The following LAPTM4B variants were observed in gnomAD, a reference collection of about 807,000 sequenced individuals.
The protein encoded by LAPTM4B is lysosomal-associated transmembrane protein 4B.
A neutral mutation model predicts 28.5 loss-of-function variants in LAPTM4B; 26 were observed. The observed-to-expected ratio is 0.91, with a 90% CI of 0.67 to 1.27. The LOEUF is 1.27. Ranked by LOEUF, LAPTM4B falls within the 50% of genes most tolerant of loss-of-function variation. LAPTM4B has a pLI of 0.00. For synonymous variants in LAPTM4B, 109 were observed against 106.4 expected, an observed-to-expected ratio of 1.02 and a Z score of -0.15; for missense variants, 288 against 285.8, an observed-to-expected ratio of 1.01 and a Z score of -0.06.
chr8:97,822,837 A>ATT (rs10622932), intron 5 of LAPTM4B, among the ~76,000 whole-genome samples: 72,020 of 150,846 alleles, frequency 0.48, 17,389 homozygotes, highest in East Asian at 0.57. Context: ...TCTTTTAGTT[A>ATT]TTTTTTTTAT....
chr8:97,790,315 A>ATTTT (rs762190127), intron 1 of LAPTM4B, among the ~76,000 whole-genome samples: 2 of 140,310 alleles, frequency 1.4e-5, no homozygotes, highest in Non-Finnish European at 3.1e-5. Flanking sequence ...TGGTTGTATA[A>ATTTT]TTTTTTTTTT....
chr8:97,826,119 A>G (rs751834021), intron 6 of LAPTM4B, among the ~76,000 whole-genome samples: 55 of 152,216 alleles, frequency 3.6e-4, no homozygotes, highest in Non-Finnish European at 7.3e-4. Context: ...AGACTAAAAC[A>G]GTTACAGACT....
At chr8:97,826,055 C>T (rs971602300) in intron 6 of LAPTM4B, among the ~76,000 whole-genome samples, 1 of 152,262 alleles carries the variant, frequency 6.6e-6, no homozygotes, top group Non-Finnish European at 1.5e-5. Flanking sequence ...CTCACTCTGA[C>T]CTTACCGAAA....
chr8:97,849,529 G>C (rs1817484652), intron 6 of LAPTM4B, among the ~76,000 whole-genome samples: 1 of 152,190 alleles, frequency 6.6e-6, no homozygotes, highest in Non-Finnish European at 1.5e-5. Flanking sequence ...CCCAGACTCT[G>C]TATCTTGGTT....
intron 5 of LAPTM4B, among the ~76,000 whole-genome samples, chr8:97,824,857 G>T (rs1817069760): frequency 6.6e-6 from 1 of 151,302 alleles, no homozygotes; most frequent in South Asian, 2.1e-4. Context: ...ATAGAATACG[G>T]CTCCAGTAGC....
chr8:97,795,363 A>G (rs926809982), intron 1 of LAPTM4B, among the ~76,000 whole-genome samples: 2 of 152,100 alleles, frequency 1.3e-5, no homozygotes, highest in African/African-American at 4.8e-5. Context: ...AATTGCTGGG[A>G]TTACAGGAGT....
chr8:97,818,504 C>T (rs1467351667), intron 4 of LAPTM4B, among the ~76,000 whole-genome samples: 1 of 152,148 alleles, frequency 6.6e-6, no homozygotes, highest in Non-Finnish European at 1.5e-5. Flanking sequence ...CTTTGATCCT[C>T]CTGAAAAGGT....
At chr8:97,842,408 C>T (rs1817363500) in intron 6 of LAPTM4B, among the ~76,000 whole-genome samples, 1 of 152,170 alleles carries the variant, frequency 6.6e-6, no homozygotes, top group Non-Finnish European at 1.5e-5. Flanking sequence ...CTGAAACATT[C>T]CAGATTGTTC....
intron 1 of LAPTM4B, among the ~76,000 whole-genome samples, chr8:97,801,383 C>T (rs1014599020): frequency 1.3e-5 from 2 of 151,890 alleles, no homozygotes; most frequent in East Asian, 1.9e-4. Context: ...GGTTTCACCA[C>T]GTTGGCCAAA....
chr8:97,780,242 A>G (rs905425866), intron 1 of LAPTM4B, among the ~76,000 whole-genome samples: 4 of 151,816 alleles, frequency 2.6e-5, no homozygotes, highest in Non-Finnish European at 5.9e-5. Flanking sequence ...CCTGGCTAAC[A>G]TGATGAAACC....
chr8:97,809,100 T>C (rs1816793072), intron 2 of LAPTM4B, among the ~76,000 whole-genome samples: 1 of 152,242 alleles, frequency 6.6e-6, no homozygotes, highest in Non-Finnish European at 1.5e-5. Flanking sequence ...AAGTCTTAAG[T>C]ACCAGCAAGC....
chr8:97,778,312 C>CTTT (rs569574870), intron 1 of LAPTM4B, among the ~76,000 whole-genome samples: 2 of 143,990 alleles, frequency 1.4e-5, no homozygotes, highest in African/African-American at 2.5e-5. Flanking sequence ...TCTTTTCTTT[C>CTTT]TTTTTTTTTT....
intron 1 of LAPTM4B, among the ~76,000 whole-genome samples, chr8:97,796,809 C>A (rs1343107122): frequency 6.6e-6 from 1 of 151,906 alleles, no homozygotes; most frequent in Non-Finnish European, 1.5e-5. Context: ...ATGTGGTAGC[C>A]GGCACTTGTA....
intron 6 of LAPTM4B, among the ~76,000 whole-genome samples, chr8:97,837,066 G>A (rs1380397071): frequency 6.6e-6 from 1 of 152,096 alleles, no homozygotes; most frequent in East Asian, 1.9e-4. Context: ...GGCTGACCTT[G>A]GGTTGTCAAA....
At chr8:97,834,295 C>A (rs1186824260) in intron 6 of LAPTM4B, among the ~76,000 whole-genome samples, 1 of 152,058 alleles carries the variant, frequency 6.6e-6, no homozygotes, top group Non-Finnish European at 1.5e-5. Flanking sequence ...CACAGCAAGA[C>A]TCTTTAAAAA....
chr8:97,836,577 T>C (rs540878881), intron 6 of LAPTM4B, among the ~76,000 whole-genome samples: 1 of 152,162 alleles, frequency 6.6e-6, no homozygotes, highest in South Asian at 2.1e-4. Context: ...AGTATTATGT[T>C]AAATCTAAAT....
At chr8:97,831,712 G>A (rs1179927696) in intron 6 of LAPTM4B, among the ~76,000 whole-genome samples, 1 of 152,156 alleles carries the variant, frequency 6.6e-6, no homozygotes, top group Non-Finnish European at 1.5e-5. Context: ...AAGAATAGGT[G>A]GGAGTGATAG....
At chr8:97,797,421 C>T (rs1816607452) in intron 1 of LAPTM4B, among the ~76,000 whole-genome samples, 1 of 152,122 alleles carries the variant, frequency 6.6e-6, no homozygotes, top group Non-Finnish European at 1.5e-5. Context: ...GAGTGAGCCA[C>T]CGCGCCCGGC....
At chr8:97,828,713 C>A (rs376368290) in intron 6 of LAPTM4B, among the ~76,000 whole-genome samples, 1 of 152,138 alleles carries the variant, frequency 6.6e-6, no homozygotes, top group Admixed American at 6.5e-5. Flanking sequence ...GCTAAGGAAT[C>A]GACTTGGGAT....
Sources: gnomAD v4.1 joint callset for allele counts (sites outside exome capture counted in the v4.1 genomes callset) on GRCh38, gnomAD v4.1.1 for gene constraint, MANE v1.5 for transcripts, NCBI Gene and HGNC (gene_info 2026-07-23, HGNC 2026-07-21) for gene names.